Variants in FRMD4A observed in about 807,000 individuals in gnomAD.
The protein encoded by FRMD4A is FERM domain-containing protein 4A.
A neutral mutation model predicts 129.1 loss-of-function variants in FRMD4A; 29 were observed. The ratio of observed to expected loss-of-function variants is 0.22; its 90% CI spans 0.17 to 0.31. FRMD4A has a LOEUF of 0.31. Among genes scored for constraint, FRMD4A ranks in the 10% least tolerant of loss-of-function variants. The probability of loss-of-function intolerance (pLI) is 1.00; values close to 1 mark genes in which losing one functional copy is unlikely to be tolerated. For missense variants in FRMD4A, 1,272 were observed against 1,375.8 expected (o/e 0.92, Z 1.19); for synonymous variants, 634 against 571.6 (o/e 1.11, Z -1.56).
chr10:14,327,943 T>G (rs952391224), intron 2 of FRMD4A, among the ~76,000 whole-genome samples: 2 of 152,194 alleles, frequency 1.3e-5, no homozygotes, highest in Non-Finnish European at 2.9e-5. Context: ...CTAAATGGCC[T>G]CTTTTCCTCC....
intron 2 of FRMD4A, among the ~76,000 whole-genome samples, chr10:14,087,830 T>A (rs1405056393): frequency 6.6e-6 from 1 of 152,194 alleles, no homozygotes; most frequent in Non-Finnish European, 1.5e-5. Flanking sequence ...GTAATTAATC[T>A]AAACAACAGT....
At chr10:13,802,478 G>T (rs1029308802) in intron 4 of FRMD4A, among the ~76,000 whole-genome samples, 1 of 152,148 alleles carries the variant, frequency 6.6e-6, no homozygotes, top group South Asian at 2.1e-4. Context: ...TAGAGACAGG[G>T]TCTCACTCTG....
At chr10:13,778,138 C>G (rs1451094225) in intron 6 of FRMD4A, among the ~76,000 whole-genome samples, 1 of 152,040 alleles carries the variant, frequency 6.6e-6, no homozygotes, top group Non-Finnish European at 1.5e-5. Context: ...CGGATTCAGC[C>G]TTGCCATGCA....
At chr10:14,044,965 G>A (rs144879796) in intron 2 of FRMD4A, among the ~76,000 whole-genome samples, 9 of 152,174 alleles carry the variant, frequency 5.9e-5, no homozygotes, top group Admixed American at 3.9e-4. Context: ...CACCCAGGCT[G>A]GAATGCTGTG....
chr10:13,883,900 C>G (rs1476624861), intron 2 of FRMD4A, among the ~76,000 whole-genome samples: 1 of 152,138 alleles, frequency 6.6e-6, no homozygotes, highest in Non-Finnish European at 1.5e-5. Context: ...TGTTTTTCTT[C>G]TGCTGCCTGT....
At chr10:13,930,070 A>T (rs527331498) in intron 2 of FRMD4A, among the ~76,000 whole-genome samples, 7 of 152,218 alleles carry the variant, frequency 4.6e-5, no homozygotes, top group African/African-American at 1.7e-4. Flanking sequence ...GAAAAAAAAT[A>T]CATTTAATTT....
intron 15 of FRMD4A, chr10:13,684,954 G>A: frequency 8.1e-6 from 8 of 984,550 alleles, no homozygotes; most frequent in Non-Finnish European, 9.6e-6. Flanking sequence ...AGACATCCCA[G>A]GAATAAATAT....
intron 2 of FRMD4A, among the ~76,000 whole-genome samples, chr10:14,181,351 G>A (rs893578568): frequency 7.2e-5 from 11 of 152,048 alleles, no homozygotes; most frequent in East Asian, 1.9e-4. Context: ...GAAGAAAACC[G>A]ACAGCTGCTG....
At chr10:14,225,450 G>A (rs767466579) in intron 2 of FRMD4A, among the ~76,000 whole-genome samples, 6 of 152,318 alleles carry the variant, frequency 3.9e-5, no homozygotes, top group South Asian at 2.1e-4. Context: ...AAGGGAAACC[G>A]TGCCTTCATT....
intron 2 of FRMD4A, among the ~76,000 whole-genome samples, chr10:14,110,955 A>G (rs1485628507): frequency 1.3e-5 from 2 of 152,190 alleles, no homozygotes; most frequent in Non-Finnish European, 2.9e-5. Flanking sequence ...CAGCCTCCCA[A>G]GTATCTGGGA....
intron 2 of FRMD4A, among the ~76,000 whole-genome samples, chr10:14,112,243 A>G (rs1837950262): frequency 6.6e-6 from 1 of 152,176 alleles, no homozygotes; most frequent in Non-Finnish European, 1.5e-5. Context: ...TCCATGTTTG[A>G]ATTTAATTCT....
chr10:14,088,778 T>A (rs1390008206), intron 2 of FRMD4A, among the ~76,000 whole-genome samples: 49 of 106,058 alleles, frequency 4.6e-4, no homozygotes, highest in African/African-American at 2.1e-3. Flanking sequence ...AGAGCAAGAC[T>A]CTGTCTCAAA....
intron 23 of FRMD4A, chr10:13,653,186 T>A (rs12771741): frequency 0.23 from 35,225 of 152,022 alleles, 4,653 homozygotes; most frequent in Middle Eastern, 0.32. Context: ...AAATGAAGGC[T>A]CCAGAAAACC....
chr10:13,671,115 G>A (rs1173004733), intron 16 of FRMD4A, among the ~76,000 whole-genome samples: 3 of 152,168 alleles, frequency 2.0e-5, no homozygotes, highest in African/African-American at 4.8e-5. Context: ...AGATGCTACA[G>A]GAATAGGCTG....
intron 2 of FRMD4A, among the ~76,000 whole-genome samples, chr10:13,868,288 T>C (rs2094399525): frequency 2.0e-5 from 3 of 152,252 alleles, no homozygotes; most frequent in South Asian, 4.1e-4. Context: ...GTAATATGAT[T>C]TTTATGATAA....
At chr10:13,832,581 T>A (rs994438943) in intron 3 of FRMD4A, among the ~76,000 whole-genome samples, 38 of 152,182 alleles carry the variant, frequency 2.5e-4, no homozygotes, top group African/African-American at 9.1e-4. Context: ...AGAGAAAGGG[T>A]CTCACTCTGT....
At chr10:14,111,567 A>T (rs1247729296) in intron 2 of FRMD4A, among the ~76,000 whole-genome samples, 5 of 152,214 alleles carry the variant, frequency 3.3e-5, no homozygotes, top group Non-Finnish European at 7.3e-5. Flanking sequence ...GAAGTCATTA[A>T]GAATGAATTT....
At chr10:13,809,222 ACT>A (rs1157730309) in intron 4 of FRMD4A, among the ~76,000 whole-genome samples, 2 of 152,040 alleles carry the variant, frequency 1.3e-5, no homozygotes, top group Non-Finnish European at 2.9e-5. Flanking sequence ...TGTTCTGCAG[ACT>A]CACATCATCT....
intron 2 of FRMD4A, among the ~76,000 whole-genome samples, chr10:14,026,968 T>C (rs529976708): frequency 3.9e-4 from 59 of 152,300 alleles, no homozygotes; most frequent in African/African-American, 6.0e-4. Context: ...ATTTTTATTG[T>C]TTGTGGGTAC....
Sources: allele counts gnomAD v4.1 joint callset (sites outside exome capture counted in the v4.1 genomes callset), GRCh38; gene constraint gnomAD v4.1.1; transcripts MANE v1.5; gene names NCBI Gene and HGNC (gene_info 2026-07-23, HGNC 2026-07-21).